The following ECT2L variants were observed in gnomAD, a reference collection of about 807,000 sequenced individuals.
ECT2L encodes epithelial cell transforming 2 like.
Under a neutral mutation model 122.8 loss-of-function variants are expected in ECT2L, and 126 were observed. The ratio of observed to expected loss-of-function variants is 1.03; its 90% CI spans 0.89 to 1.19. The LOEUF is 1.19. ECT2L is among the 50% of genes most tolerant of loss of function. The pLI is 0.00. For synonymous variants in ECT2L, 385 were observed against 381.8 expected (o/e 1.01, Z -0.10); for missense variants, 1,012 against 1,064.1 (o/e 0.95, Z 0.68).
chr6:138,879,135 G>T, intron 14 of ECT2L: 2 of 215,834 alleles, frequency 9.3e-6, no homozygotes, highest in South Asian at 6.6e-5. Flanking sequence ...TCATTGATTG[G>T]CCATCTGACA....
intron 1 of ECT2L, among the ~76,000 whole-genome samples, chr6:138,810,999 G>A (rs567280722): frequency 3.5e-4 from 53 of 152,214 alleles, no homozygotes; most frequent in Non-Finnish European, 6.0e-4. Flanking sequence ...ATGATAGGTT[G>A]TATTACTATG....
chr6:138,836,474 A>G (rs1299509591), intron 4 of ECT2L, among the ~76,000 whole-genome samples: 1 of 151,852 alleles, frequency 6.6e-6, no homozygotes, highest in African/African-American at 2.4e-5. Context: ...TTTTTAGTAG[A>G]GACAGGTTTC....
chr6:138,888,043 T>C lies in ECT2L; in HGVS notation c.2326-900T>C, dbSNP rs143330756. On this transcript the variant is annotated intron_variant, in intron 19 of 21. Transcript: ENST00000541398. ...AGAGGAGCTCAGGATGTGAGTTACGTTGAATTAAAGTATCAATTGATTAGA... is the reference window on the plus strand; with the variant it reads ...AGAGGAGCTCAGGATGTGAGTTACGCTGAATTAAAGTATCAATTGATTAGA... 5.3e-3 allele frequency among the ~76,000 whole-genome samples: 801 copies of C among 152,348 alleles called. 6 individuals are homozygous for C. The highest frequency in any genetic ancestry group is 6.8e-3 in the Middle Eastern group (2 of 294).
At chr6:138,818,134 T>C (rs931295692) in intron 4 of ECT2L, among the ~76,000 whole-genome samples, 25 of 152,226 alleles carry the variant, frequency 1.6e-4, no homozygotes, top group African/African-American at 5.1e-4. Flanking sequence ...GCAGCTTTCC[T>C]GGATGGGTGG....
chr6:138,867,585 G>A (rs887250179), intron 12 of ECT2L, among the ~76,000 whole-genome samples: 2 of 150,878 alleles, frequency 1.3e-5, no homozygotes, highest in African/African-American at 4.9e-5. Context: ...CAAGGCAGGA[G>A]GATCACTTGA....
chr6:138,844,272 G>A (rs1262829196), intron 6 of ECT2L, 140 bp from the exon 7 acceptor site: 9 of 921,946 alleles, frequency 9.8e-6, no homozygotes, highest in African/African-American at 3.3e-5. Context: ...AATCCAAACC[G>A]AGTGCATGAA....
At position 138,871,963 on chromosome 6, in the gene ECT2L, CTTTAT is replaced by C. The variant is rs1428459559; in HGVS notation, c.1578+3766_1578+3770del. Among the ~76,000 whole-genome samples the C allele has an allele frequency of 4.6e-5, 7 of 151,846 alleles. No homozygotes were observed. In the South Asian group the frequency reaches 8.3e-4, roughly 18 times the overall value. ...ACAAGCAACTCCCTGAGACAGGAGT[CTTTAT>C]TTTATTTTTTAATTTTTTTTTTTGA... On this transcript the variant is annotated intron_variant, in intron 13 of 21. Transcript: ENST00000541398.
At chr6:138,807,861 T>C (rs1026756758) in intron 1 of ECT2L, among the ~76,000 whole-genome samples, 2 of 152,174 alleles carry the variant, frequency 1.3e-5, no homozygotes, top group Admixed American at 1.3e-4. Flanking sequence ...AACTGCTGTG[T>C]TCCACTGGTT....
intron 1 of ECT2L, among the ~76,000 whole-genome samples, chr6:138,798,334 C>A (rs1459766262): frequency 6.6e-6 from 1 of 152,130 alleles, no homozygotes; most frequent in East Asian, 1.9e-4. Flanking sequence ...TGGTAACCAG[C>A]CCCCATCCTG....
chr6:138,806,920 T>G (rs954046887), intron 1 of ECT2L, among the ~76,000 whole-genome samples: 4 of 152,178 alleles, frequency 2.6e-5, no homozygotes, highest in African/African-American at 9.7e-5. Context: ...TTATGTGTAT[T>G]ATATACTGTA....
intron 12 of ECT2L, among the ~76,000 whole-genome samples, chr6:138,866,275 G>A (rs761584946): frequency 6.6e-6 from 1 of 151,896 alleles, no homozygotes; most frequent in Non-Finnish European, 1.5e-5. Context: ...AGCCTCCTGA[G>A]TAGCTGGGAT....
chr6:138,886,238 C>T (rs985871113), intron 18 of ECT2L, among the ~76,000 whole-genome samples: 2 of 152,024 alleles, frequency 1.3e-5, no homozygotes, highest in African/African-American at 4.8e-5. Flanking sequence ...AATTAAGCAC[C>T]TTGGAGTACA....
chr6:138,850,994 CAAAAAAAAAAAAAAAA>C lies in ECT2L; in HGVS notation c.1069+1574_1069+1589del, dbSNP rs34453938. Among the ~76,000 whole-genome samples, 23 of 57,772 alleles carry C rather than the reference CAAAAAAAAAAAAAAAA, an allele frequency of 4.0e-4. 1 individual carries two copies. Among genetic ancestry groups the C allele is most frequent in the South Asian group, 1.0e-3 (1 of 964 alleles). 37.9% of individuals were successfully genotyped at this position (57,772 alleles called of 152,430 possible). ...GGGCAATAAGAGCGAAACTCCATCT[CAAAAAAAAAAAAAAAA>C]AAAAAAAAAAAAAGAGAAAGAGAGA... On this transcript the variant is annotated intron_variant, in intron 9 of 21. Coordinates refer to ENST00000541398, the MANE Select transcript of ECT2L (RefSeq NM_001077706.3).
intron 10 of ECT2L, among the ~76,000 whole-genome samples, chr6:138,862,093 TGA>T (rs1005162324): frequency 6.6e-6 from 1 of 152,220 alleles, no homozygotes; most frequent in Non-Finnish European, 1.5e-5. Context: ...GAATGGAAGA[TGA>T]GAACTGCTAG....
chr6:138,902,777 T>A lies in ECT2L; in HGVS notation c.*150T>A, dbSNP rs1017395190. 1.0e-6 allele frequency: 1 copy of A among 968,488 alleles called. No individual in the cohort carries two copies. Among genetic ancestry groups the A allele is most frequent in the Non-Finnish European group, 1.5e-6 (1 of 657,314 alleles). 60.0% of individuals were successfully genotyped at this position (968,488 alleles called of 1,614,324 possible). On this transcript the variant is annotated 3_prime_UTR_variant, in exon 22 of 22. Transcript: ENST00000541398. Reference sequence around the variant, plus strand: ...TGACCCATAGGATCTTTCCAACTTTTAAACTTTATCACTTGTGCTCACTTA... The same window carrying A: ...TGACCCATAGGATCTTTCCAACTTTAAAACTTTATCACTTGTGCTCACTTA...
chr6:138,868,333 C>T, intron 13 of ECT2L, 127 bp downstream of exon 13: 1 of 722,474 alleles, frequency 1.4e-6, no homozygotes, highest in Non-Finnish European at 2.2e-6. Context: ...GAAATTACAT[C>T]AGTTTATAAA....
intron 1 of ECT2L, among the ~76,000 whole-genome samples, chr6:138,811,489 G>GTGT (rs1775892723): frequency 6.6e-6 from 1 of 152,118 alleles, no homozygotes; most frequent in Admixed American, 6.6e-5. Flanking sequence ...TGTATTTGCA[G>GTGT]ATAGTGCCTA....
intron 1 of ECT2L, among the ~76,000 whole-genome samples, chr6:138,808,599 C>G (rs1297860618): frequency 6.6e-6 from 1 of 152,066 alleles, no homozygotes; most frequent in Non-Finnish European, 1.5e-5. Flanking sequence ...GTACGTAAGC[C>G]TAGTGTGCAG....
Position 138,865,033 on chromosome 6 carries a change from C to G in ECT2L, c.1329C>G (p.Ala443=), listed in dbSNP as rs1188430231. ...GGCTGGGATCCCAATGGGGAAAGGCCCCCTCTTCCATCTACTTCTGCGAAT... is the reference window on the plus strand; with the variant it reads ...GGCTGGGATCCCAATGGGGAAAGGCGCCCTCTTCCATCTACTTCTGCGAAT... ...SDWLGSQWGK[A]PSSIYFCESK... Residue 443 remains alanine, a synonymous_variant, in exon 12 of 22, where the codon GCC becomes GCG. Transcript: ENST00000541398. The G allele has an allele frequency of 1.2e-6, 2 of 1,613,698 alleles. No homozygotes were observed. Among genetic ancestry groups the G allele is most frequent in the East Asian group, 2.2e-5 (1 of 44,878 alleles).
Sources: gnomAD v4.1 joint callset for allele counts (sites outside exome capture counted in the v4.1 genomes callset) on GRCh38, gnomAD v4.1.1 for gene constraint, MANE v1.5 for transcripts, NCBI Gene and HGNC (gene_info 2026-07-23, HGNC 2026-07-21) for gene names.